Variants in ZNF536 observed in about 807,000 individuals in gnomAD.
The protein encoded by ZNF536 is zinc finger protein 536.
ZNF536 carries 13 observed loss-of-function variants against 84.5 expected under a neutral mutation model. The observed-to-expected ratio is 0.15, with a 90% CI of 0.10 to 0.24. The LOEUF is 0.24. Among genes scored for constraint, ZNF536 ranks in the 10% least tolerant of loss-of-function variants. The pLI, the probability that ZNF536 is intolerant of heterozygous loss-of-function variation, is 1.00. For missense variants in ZNF536, 1,536 were observed against 1,747.5 expected (o/e 0.88, Z 2.16); for synonymous variants, 811 against 742.5 (o/e 1.09, Z -1.50).
intron 1 of ZNF536, among the ~76,000 whole-genome samples, chr19:30,263,714 G>A (rs949781194): frequency 2.0e-5 from 3 of 152,144 alleles, no homozygotes; most frequent in African/African-American, 4.8e-5. Context: ...TTGTGTGTGT[G>A]CACGCGTGTG....
intron 2 of ZNF536, among the ~76,000 whole-genome samples, chr19:30,292,344 CT>C (rs1364875449): frequency 5.5e-4 from 76 of 137,588 alleles, no homozygotes; most frequent in Non-Finnish European, 5.3e-4. Flanking sequence ...TCTTTTTCTT[CT>C]TTTTTTTTTT....
chr19:30,579,838 T>C (rs902805912), intron 1 of ZNF536, among the ~76,000 whole-genome samples: 1 of 152,244 alleles, frequency 6.6e-6, no homozygotes, highest in Non-Finnish European at 1.5e-5. Context: ...CATTATGTTT[T>C]TCTGGTATGC....
At chr19:30,245,118 T>A (rs1035560095) in intron 1 of ZNF536, among the ~76,000 whole-genome samples, 4 of 152,180 alleles carry the variant, frequency 2.6e-5, no homozygotes, top group African/African-American at 7.2e-5. Context: ...TCCATCCCAC[T>A]TGAGGGCCAT....
intron 1 of ZNF536, among the ~76,000 whole-genome samples, chr19:30,423,020 CCCAT>C (rs1568413800): frequency 2.1e-5 from 2 of 95,760 alleles, no homozygotes; most frequent in Non-Finnish European, 2.0e-5. Flanking sequence ...CTCCCACCCA[CCCAT>C]CCCTCCCTTC....
Position 30,522,505 on chromosome 19 carries a change from A to G in ZNF536, c.2171-12342A>G, listed in dbSNP as rs1032243496. Among the ~76,000 whole-genome samples, 5 of 148,922 alleles carry G rather than the reference A, an allele frequency of 3.4e-5. No homozygotes were observed. The South Asian group carries it at 8.4e-4, about 25-fold the overall frequency. ...TGACACTTGTTTTCTGCCACTGTTTACTCTTCAATAAAAAATGCATATTTA... is the reference window on the plus strand; with the variant it reads ...TGACACTTGTTTTCTGCCACTGTTTGCTCTTCAATAAAAAATGCATATTTA... On this transcript the variant is annotated intron_variant, in intron 2 of 4. Transcript: ENST00000355537.
chr19:30,636,001 T>G (rs1012895525), intron 1 of ZNF536, among the ~76,000 whole-genome samples: 1 of 152,228 alleles, frequency 6.6e-6, no homozygotes, highest in Non-Finnish European at 1.5e-5. Flanking sequence ...AAGGTGCCAG[T>G]GGCTGCAACG....
rs887660136 is a variant in ZNF536 at position 30,589,094 on chromosome 19, A to C, written c.169+39580A>C. On this transcript the variant is annotated intron_variant, in intron 1 of 1. Transcript: ENST00000592773. The stretch of plus-strand genomic sequence containing the variant: ...GATTTAGAGAAAGTTAGAGGACATT[A>C]GATTTTGGTTCTCAATAGGAAGGAA... Among the ~76,000 whole-genome samples, 4 of 152,192 alleles carry C rather than the reference A, an allele frequency of 2.6e-5. No individual in the cohort carries two copies. The East Asian group carries it at 7.7e-4, about 29-fold the overall frequency.
chr19:30,342,250 C>G lies in ZNF536; in HGVS notation c.-119-10118C>G, dbSNP rs568183835. ...ATTCCCATTGTTTGCTTTCGACACA[C>G]AGTGTTTGATTTTTGCCGTAGTCAA... On this transcript the variant is annotated intron_variant, in intron 2 of 5. Coordinates refer to the ZNF536 transcript ENST00000585628. Among the ~76,000 whole-genome samples, 4 of 152,288 alleles carry G rather than the reference C, an allele frequency of 2.6e-5. No homozygotes were observed. In the South Asian group the frequency reaches 8.3e-4, roughly 32 times the overall value.
chr19:30,322,759 GC>G (rs1406797903), intron 2 of ZNF536, among the ~76,000 whole-genome samples: 3 of 151,434 alleles, frequency 2.0e-5, no homozygotes, highest in Non-Finnish European at 2.9e-5. Flanking sequence ...TCCATTCACA[GC>G]CCTCCTGCCC....
intron 1 of ZNF536, among the ~76,000 whole-genome samples, chr19:30,385,496 G>A (rs916911035): frequency 6.6e-6 from 1 of 151,374 alleles, no homozygotes. Flanking sequence ...GTCCTCTGTG[G>A]CCTTGTCCTC....
At chr19:30,380,374 CG>C (rs1207031128) in intron 1 of ZNF536, among the ~76,000 whole-genome samples, 1 of 152,076 alleles carries the variant, frequency 6.6e-6, no homozygotes, top group Non-Finnish European at 1.5e-5. Flanking sequence ...GTGTTGGAGA[CG>C]GGCCACCCTG....
intron 2 of ZNF536, among the ~76,000 whole-genome samples, chr19:30,297,464 C>T (rs2145882655): frequency 6.6e-6 from 1 of 152,254 alleles, no homozygotes; most frequent in East Asian, 1.9e-4. Flanking sequence ...ACATTCAATT[C>T]AGAGGGCTGG....
At position 30,589,309 on chromosome 19, in the gene ZNF536, T is replaced by C. The variant is rs199572692; in HGVS notation, c.169+39795T>C. On this transcript the variant is annotated intron_variant, in intron 1 of 1. Coordinates refer to the ZNF536 transcript ENST00000592773. ...AGGATTCTGTGCCCTAGACCCTCTG[T>C]TGGCTCTTACAGGCCATGAAAGGCA... Among the ~76,000 whole-genome samples, 10 of 152,330 alleles carry C rather than the reference T, an allele frequency of 6.6e-5. No homozygotes were observed. In the East Asian group the frequency reaches 1.9e-3, roughly 29 times the overall value.
intron 2 of ZNF536, among the ~76,000 whole-genome samples, chr19:30,334,177 G>A (rs534179830): frequency 4.1e-4 from 63 of 152,276 alleles, no homozygotes; most frequent in African/African-American, 1.5e-3. Flanking sequence ...GAGTGCTTGG[G>A]GTTCTAGAAC....
intron 1 of ZNF536, among the ~76,000 whole-genome samples, chr19:30,252,834 G>A (rs551534167): frequency 1.3e-5 from 2 of 152,352 alleles, no homozygotes; most frequent in African/African-American, 4.8e-5. Flanking sequence ...AGGAATGGCA[G>A]AAGGGACGGA....
At position 30,551,985 on chromosome 19, in the gene ZNF536, TC is replaced by T. The variant is rs1282274441; in HGVS notation, c.3895+2473del. On this transcript the variant is annotated intron_variant, in intron 4 of 4. Coordinates refer to ENST00000355537, the MANE Select transcript of ZNF536 (RefSeq NM_014717.3). ...ATCCCAGAAGGTCCAGACATATTCA[TC>T]CTTTCTAAAAGTTACAACCTAGGAG... Among the ~76,000 whole-genome samples the T allele has an allele frequency of 3.9e-5, 6 of 152,182 alleles. No individual in the cohort carries two copies. In the East Asian group the frequency reaches 1.2e-3, roughly 29 times the overall value.
At chr19:30,510,925 T>C (rs1308976193) in intron 2 of ZNF536, among the ~76,000 whole-genome samples, 1 of 152,112 alleles carries the variant, frequency 6.6e-6, no homozygotes, top group African/African-American at 2.4e-5. Context: ...CTGCCATGAG[T>C]CTGTTGCCCG....
intron 1 of ZNF536, among the ~76,000 whole-genome samples, chr19:30,698,044 C>A (rs969236154): frequency 9.2e-5 from 14 of 152,208 alleles, no homozygotes; most frequent in African/African-American, 3.1e-4. Context: ...GTAATCCCAG[C>A]ACTGTGGGAG....
rs114767819 is a variant in ZNF536 at position 30,406,256 on chromosome 19, G to A, written c.-3+33700G>A. On this transcript the variant is annotated intron_variant, in intron 1 of 4. Transcript: ENST00000355537. ...AAGAAAAGGGAACAACTAGTCAACC[G>A]CGATGCATGCCCAGGGAGAAACAAC... 5.4e-3 allele frequency among the ~76,000 whole-genome samples: 824 copies of A among 152,244 alleles called. 10 individuals carry two copies. The highest frequency in any genetic ancestry group is 0.018 in the African/African-American group (752 of 41,532).
Sources: gnomAD v4.1 joint callset for allele counts (sites outside exome capture counted in the v4.1 genomes callset) on GRCh38, gnomAD v4.1.1 for gene constraint, MANE v1.5 for transcripts, NCBI Gene and HGNC (gene_info 2026-07-23, HGNC 2026-07-21) for gene names.